The following RPH3A variants were observed in gnomAD, a reference collection of about 807,000 sequenced individuals.
RPH3A encodes rabphilin-3A.
In RPH3A, 48 loss-of-function variants were observed where a neutral mutation model predicts 102.2. The observed-to-expected ratio is 0.47, with a 90% CI of 0.37 to 0.60. The LOEUF is 0.60. RPH3A is among the 20% of genes least tolerant of loss of function. RPH3A has a pLI of 0.00. For synonymous variants in RPH3A, 310 were observed against 324.3 expected (o/e 0.96, Z 0.47); for missense variants, 781 against 910.1 (o/e 0.86, Z 1.83).
chr12:112,615,539 C>A (rs1054198386), intron 1 of RPH3A, among the ~76,000 whole-genome samples: 1 of 152,208 alleles, frequency 6.6e-6, no homozygotes, highest in Non-Finnish European at 1.5e-5. Context: ...CCCACTCATA[C>A]CAGGGTGCTT....
chr12:112,837,880 C>G, intron 4 of RPH3A: 1 of 450,320 alleles, frequency 2.2e-6, no homozygotes, highest in Non-Finnish European at 4.5e-6. Flanking sequence ...CCCTCCTTCC[C>G]CCCTCCCTCC....
chr12:112,699,006 G>A (rs773458224), intron 1 of RPH3A, among the ~76,000 whole-genome samples: 38 of 147,484 alleles, frequency 2.6e-4, no homozygotes, highest in Middle Eastern at 3.4e-3. Context: ...CTTCAGCCTT[G>A]ACCTCCTGGA....
intron 2 of RPH3A, among the ~76,000 whole-genome samples, chr12:112,822,111 T>C (rs988432487): frequency 7.9e-5 from 12 of 152,216 alleles, no homozygotes; most frequent in Non-Finnish European, 1.6e-4. Flanking sequence ...CAGAGTGATT[T>C]TTTCCAGATA....
intron 1 of RPH3A, among the ~76,000 whole-genome samples, chr12:112,612,615 A>G (rs1422026543): frequency 7.7e-6 from 1 of 129,458 alleles, no homozygotes; most frequent in African/African-American, 3.1e-5. Flanking sequence ...CCCAGGCTGG[A>G]GTGCAATGAC....
At chr12:112,792,351 G>A (rs2041136830) in intron 2 of RPH3A, 88 bp downstream of exon 2, 1 of 151,660 alleles carries the variant, frequency 6.6e-6, no homozygotes, top group African/African-American at 2.4e-5. Context: ...GTGGGGTAAA[G>A]GGTAGTTGGG....
Position 112,896,974 on chromosome 12 carries a change from G to A in RPH3A, c.*194G>A. ...CCTCCTCCCTGATGCTGGGATGTGG[G>A]CTCTGAATACAGCCCCTCTCTCATC... is the stretch of plus-strand genomic sequence containing the variant. On this transcript the variant is annotated 3_prime_UTR_variant, in exon 22 of 22. Coordinates refer to ENST00000389385, the MANE Select transcript of RPH3A (RefSeq NM_001143854.2). 1 of 586,338 alleles carries A rather than the reference G, an allele frequency of 1.7e-6. No individual in the cohort carries two copies. Among genetic ancestry groups the A allele is most frequent in the Non-Finnish European group, 3.0e-6 (1 of 333,262 alleles). 36.3% of individuals were successfully genotyped at this position (586,338 alleles called of 1,614,324 possible).
chr12:112,608,096 C>T (rs998287897), intron 1 of RPH3A, among the ~76,000 whole-genome samples: 1 of 151,748 alleles, frequency 6.6e-6, no homozygotes, highest in Non-Finnish European at 1.5e-5. Context: ...TTATATCTTT[C>T]CCTCCTCCTC....
intron 5 of RPH3A, among the ~76,000 whole-genome samples, chr12:112,864,190 C>T (rs146136613): frequency 3.9e-5 from 6 of 152,300 alleles, no homozygotes; most frequent in East Asian, 3.9e-4. Context: ...CAGGGGCTCA[C>T]GCCTGTGATC....
intron 1 of RPH3A, among the ~76,000 whole-genome samples, chr12:112,661,173 C>T (rs776035416): frequency 6.6e-6 from 1 of 152,078 alleles, no homozygotes; most frequent in East Asian, 1.9e-4. Flanking sequence ...CCATGCTGTA[C>T]CCACTCTTAT....
intron 1 of RPH3A, among the ~76,000 whole-genome samples, chr12:112,699,488 C>T (rs1038676971): frequency 5.9e-5 from 9 of 152,140 alleles, no homozygotes; most frequent in African/African-American, 1.9e-4. Flanking sequence ...ACCACATGGG[C>T]AAATCTCAAA....
intron 1 of RPH3A, among the ~76,000 whole-genome samples, chr12:112,739,510 CA>C (rs2040693404): frequency 6.6e-6 from 1 of 152,176 alleles, no homozygotes. Flanking sequence ...TTGAGAAGGT[CA>C]TCTGGCCTCC....
intron 1 of RPH3A, among the ~76,000 whole-genome samples, chr12:112,763,993 C>A (rs2040871578): frequency 6.6e-6 from 1 of 152,184 alleles, no homozygotes; most frequent in Non-Finnish European, 1.5e-5. Context: ...CATTTCCAGG[C>A]TCTCCATCTT....
chr12:112,591,084 C>T (rs957424408), intron 1 of RPH3A, among the ~76,000 whole-genome samples: 1 of 151,948 alleles, frequency 6.6e-6, no homozygotes, highest in Non-Finnish European at 1.5e-5. Flanking sequence ...TCCTAAGTAG[C>T]TGGTACCACA....
chr12:112,609,677 C>A (rs2039623328), intron 1 of RPH3A, among the ~76,000 whole-genome samples: 1 of 152,100 alleles, frequency 6.6e-6, no homozygotes, highest in African/African-American at 2.4e-5. Flanking sequence ...TTGCTGCATC[C>A]CCAGTGCCTA....
chr12:112,698,748 T>A (rs2040369701), intron 1 of RPH3A, among the ~76,000 whole-genome samples: 1 of 152,170 alleles, frequency 6.6e-6, no homozygotes. Flanking sequence ...CCACTGGAAC[T>A]CTCATACGTT....
chr12:112,761,307 C>G (rs575501029), intron 1 of RPH3A, among the ~76,000 whole-genome samples: 3 of 152,148 alleles, frequency 2.0e-5, no homozygotes, highest in Non-Finnish European at 4.4e-5. Context: ...TGTGTGCATG[C>G]GTCTGTGTGT....
intron 1 of RPH3A, among the ~76,000 whole-genome samples, chr12:112,655,326 T>G (rs1276006201): frequency 1.3e-5 from 2 of 152,198 alleles, no homozygotes; most frequent in Non-Finnish European, 2.9e-5. Context: ...GACGCACCAC[T>G]CACATTTTCA....
intron 8 of RPH3A, chr12:112,868,901 G>A: frequency 3.9e-6 from 1 of 253,700 alleles, no homozygotes; most frequent in Non-Finnish European, 7.4e-6. Flanking sequence ...TCACCACCAA[G>A]ATCACACTGG....
chr12:112,878,495 A>G (rs2042847422), intron 13 of RPH3A, among the ~76,000 whole-genome samples: 1 of 152,204 alleles, frequency 6.6e-6, no homozygotes, highest in Admixed American at 6.5e-5. Flanking sequence ...AAAAAGATAG[A>G]CATGCCAGCT....
Sources: gnomAD v4.1 joint callset for allele counts (sites outside exome capture counted in the v4.1 genomes callset) on GRCh38, gnomAD v4.1.1 for gene constraint, MANE v1.5 for transcripts, NCBI Gene and HGNC (gene_info 2026-07-23, HGNC 2026-07-21) for gene names.